Variants in FXR2 observed in about 807,000 individuals in gnomAD.
The protein encoded by FXR2 is FMR1 autosomal homolog 2.
In FXR2, 9 loss-of-function variants were observed where a neutral mutation model predicts 87.3. The ratio of observed to expected loss-of-function variants is 0.10; its 90% CI spans 0.06 to 0.18. FXR2 has a LOEUF of 0.18. FXR2 is among the 10% of genes least tolerant of loss of function. The probability of loss-of-function intolerance (pLI) is 1.00; values close to 1 mark genes in which losing one functional copy is unlikely to be tolerated. For synonymous variants in FXR2, 331 were observed against 328.3 expected, an observed-to-expected ratio of 1.01 and a Z score of -0.09; for missense variants, 661 against 893.6, an observed-to-expected ratio of 0.74 and a Z score of 3.32.
rs899107514 is a variant in FXR2 at position 7,592,224 on chromosome 17, G to A, written c.1926+30C>T. The A allele has an allele frequency of 4.5e-6, 7 of 1,557,114 alleles. No individual in the cohort carries two copies. Among genetic ancestry groups the A allele is most frequent in the Non-Finnish European group, 6.2e-6 (7 of 1,132,386 alleles). On this transcript the variant is annotated intron_variant, in intron 16 of 16. Transcript: ENST00000250113. This position sits in a 1 kb window ranked among gnomAD's most constrained non-coding sequence, Gnocchi z 4.8. Reference sequence around the variant, plus strand: ...TGCCCCAGAGTAACAACAAAAAAGGGATGGGGTAAAGCACATCTTGCCTGC... The same window carrying A: ...TGCCCCAGAGTAACAACAAAAAAGGAATGGGGTAAAGCACATCTTGCCTGC...
At chr17:7,597,414 G>A (rs2071715901) in intron 7 of FXR2, among the ~76,000 whole-genome samples, 1 of 151,360 alleles carries the variant, frequency 6.6e-6, no homozygotes, top group Non-Finnish European at 1.5e-5. Context: ...TACATTAGGA[G>A]GGGAGGGGAA....
intron 1 of FXR2, among the ~76,000 whole-genome samples, chr17:7,611,852 A>G (rs867793583): frequency 3.3e-5 from 5 of 152,326 alleles, no homozygotes; most frequent in Middle Eastern, 3.4e-3. Context: ...AAGTATCTGT[A>G]GGGTACTGAG....
chr17:7,594,110 C>A lies in FXR2; in HGVS notation c.1021-106G>T. 1 of 909,926 alleles carries A rather than the reference C, an allele frequency of 1.1e-6. No homozygotes were observed. The highest frequency in any genetic ancestry group is 1.8e-6 in the Non-Finnish European group (1 of 550,478). The allele number at this position is 909,926 out of a possible 1,614,324, so 56.4% of individuals were successfully genotyped here. ...GCCTGCCCAGTGGGATCATTCTGGG[C>A]TCTAAATCTACTAGTGTTAAACAAC... On this transcript the variant is annotated intron_variant, in intron 10 of 16. Coordinates refer to ENST00000250113, the MANE Select transcript of FXR2 (RefSeq NM_004860.4). This position sits in a 1 kb window ranked among gnomAD's most constrained non-coding sequence, Gnocchi z 5.1.
chr17:7,594,815 G>A lies in FXR2; in HGVS notation c.832-58C>T. ...AACAGAAGACCAGCTGGATGTGGTGGCTCACGCCTGTAATCCCAGCACTTT... is the reference window on the plus strand; with the variant it reads ...AACAGAAGACCAGCTGGATGTGGTGACTCACGCCTGTAATCCCAGCACTTT... On this transcript the variant is annotated intron_variant, in intron 8 of 16. Coordinates refer to ENST00000250113, the MANE Select transcript of FXR2 (RefSeq NM_004860.4). The surrounding 1 kb of genome is among the most constrained non-coding windows in gnomAD (Gnocchi z 5.1). 1.9e-6 allele frequency: 2 copies of A among 1,031,798 alleles called. No individual in the cohort carries two copies. The highest frequency in any genetic ancestry group is 3.1e-6 in the Non-Finnish European group (2 of 649,808). The allele number at this position is 1,031,798 out of a possible 1,614,324, so 63.9% of individuals were successfully genotyped here. A position where few individuals can be genotyped will look rare whatever the true frequency, so the allele number is the denominator to read the frequency against.
chr17:7,592,942 C>A lies in FXR2; in HGVS notation c.1528+42G>T. Reference sequence around the variant, plus strand: ...GAGTTGGCAGTCAGGTGCCCATCATCTTTCCTTTTGGCCCATATTCATGAA... The same window carrying A: ...GAGTTGGCAGTCAGGTGCCCATCATATTTCCTTTTGGCCCATATTCATGAA... On this transcript the variant is annotated intron_variant, in intron 13 of 16. Coordinates refer to ENST00000250113, the MANE Select transcript of FXR2 (RefSeq NM_004860.4). The surrounding 1 kb of genome is among the most constrained non-coding windows in gnomAD (Gnocchi z 4.8). The A allele has an allele frequency of 6.5e-7, 1 of 1,547,026 alleles. No homozygotes were observed. Among genetic ancestry groups the A allele is most frequent in the Non-Finnish European group, 8.7e-7 (1 of 1,146,792 alleles).
chr17:7,603,922 AAGG>A lies in FXR2; in HGVS notation c.301-20_301-18del, dbSNP rs1184495842. The A allele has an allele frequency of 6.2e-7, 1 of 1,613,768 alleles. No homozygotes were observed. ...GACATAGAACTGGCACATGGTAAAA[AAGG>A]AGAAGTTGTGGATGACCTGAGCAAC... is the stretch of plus-strand genomic sequence containing the variant. On this transcript the variant is annotated intron_variant, in intron 4 of 16. Transcript: ENST00000250113.
intron 5 of FXR2, among the ~76,000 whole-genome samples, chr17:7,603,241 G>C (rs1466578229): frequency 6.6e-6 from 1 of 151,576 alleles, no homozygotes; most frequent in Non-Finnish European, 1.5e-5. Context: ...AAAGAAAAGG[G>C]ACTGGGCCGG....
intron 7 of FXR2, 21 bp downstream of exon 7, chr17:7,601,388 G>C: frequency 2.3e-6 from 3 of 1,283,186 alleles, no homozygotes; most frequent in Non-Finnish European, 3.4e-6. Flanking sequence ...TTCAGCAGAA[G>C]GAAAAGGAGC....
chr17:7,591,931 G>A lies in FXR2; in HGVS notation c.1927-6C>T. ...AGCTTGCTGACAGAGTCACCCTGAGGGGAAAGTGGGAAAGAAAACAGAAAA... is the reference window on the plus strand; with the variant it reads ...AGCTTGCTGACAGAGTCACCCTGAGAGGAAAGTGGGAAAGAAAACAGAAAA... On this transcript the variant is annotated splice_polypyrimidine_tract_variant and splice_region_variant and intron_variant, in intron 16 of 16. Coordinates refer to ENST00000250113, the MANE Select transcript of FXR2 (RefSeq NM_004860.4). The surrounding 1 kb of genome is among the most constrained non-coding windows in gnomAD (Gnocchi z 4.0). 1 of 1,504,156 alleles carries A rather than the reference G, an allele frequency of 6.6e-7. No individual in the cohort carries two copies. The highest frequency in any genetic ancestry group is 9.2e-7 in the Non-Finnish European group (1 of 1,084,038). The allele number at this position is 1,504,156 out of a possible 1,614,324, so 93.2% of individuals were successfully genotyped here.
At chr17:7,614,406 G>C (rs115150806) in intron 1 of FXR2, 46 bp downstream of exon 1, 1 of 1,375,942 alleles carries the variant, frequency 7.3e-7, no homozygotes, top group Non-Finnish European at 1.0e-6. Context: ...CTCCGGCCAG[G>C]GGAGGGGGCT....
At chr17:7,614,285 G>A (rs1001096819) in intron 1 of FXR2, among the ~76,000 whole-genome samples, 167 bp downstream of exon 1, 1 of 152,110 alleles carries the variant, frequency 6.6e-6, no homozygotes, top group African/African-American at 2.4e-5. Flanking sequence ...AAGAGGAACA[G>A]GGTTCACTCT....
chr17:7,601,461 C>T lies in FXR2; in HGVS notation c.608G>A (p.Arg203His). 1 of 1,613,282 alleles carries T rather than the reference C, an allele frequency of 6.2e-7. No homozygotes were observed. The highest frequency in any genetic ancestry group is 8.5e-7 in the Non-Finnish European group (1 of 1,179,476). ...GCGGGACATAAGTAGCAGTTTGGTG[C>T]GCAGGCTTCGGAAATGCATATCACC... Reference protein sequence around the residue: ...LLGDMHFRSLRTKLLLMSRNE... With the variant: ...LLGDMHFRSLHTKLLLMSRNE... The change falls in exon 7 of 17, where the codon CGC becomes CAC. Residue 203 changes from arginine to histidine, a missense_variant. Coordinates refer to ENST00000250113, the MANE Select transcript of FXR2 (RefSeq NM_004860.4).
At position 7,592,444 on chromosome 17, in the gene FXR2, G is replaced by C. The variant is rs900368876; in HGVS notation, c.1825+60C>G. 2.6e-6 allele frequency: 4 copies of C among 1,561,654 alleles called. No individual in the cohort carries two copies. The African/African-American group carries it at 5.4e-5, about 21-fold the overall frequency. On this transcript the variant is annotated intron_variant, in intron 15 of 16. Coordinates refer to ENST00000250113, the MANE Select transcript of FXR2 (RefSeq NM_004860.4). The surrounding 1 kb of genome is among the most constrained non-coding windows in gnomAD (Gnocchi z 4.8). The stretch of plus-strand genomic sequence containing the variant: ...GAACCCGAACCCCTGATTTTCACAG[G>C]GGTGAGCATCCCATTCTCTCAGCTC...
chr17:7,592,064 C>T lies in FXR2; in HGVS notation c.1927-139G>A, dbSNP rs1378049754. ...GTTCCCTGATCTCATGATCCAGTCT[C>T]TCTTACTTGGGATCCAGAAAATGTG... On this transcript the variant is annotated intron_variant, in intron 16 of 16. Transcript: ENST00000250113. This position sits in a 1 kb window ranked among gnomAD's most constrained non-coding sequence, Gnocchi z 4.8. 1.4e-6 allele frequency: 2 copies of T among 1,418,838 alleles called. No individual in the cohort carries two copies. The highest frequency in any genetic ancestry group is 1.8e-4 in the Middle Eastern group (1 of 5,428). The allele number at this position is 1,418,838 out of a possible 1,614,324, so 87.9% of individuals were successfully genotyped here. A position where few individuals can be genotyped will look rare whatever the true frequency, so the allele number is the denominator to read the frequency against.
intron 5 of FXR2, among the ~76,000 whole-genome samples, chr17:7,603,523 GT>G (rs1215739961): frequency 6.9e-5 from 8 of 115,406 alleles, no homozygotes; most frequent in Non-Finnish European, 1.3e-4. Context: ...GCAAAACTCT[GT>G]CTCCAAAAAA....
In FXR2 at chr17:7,594,259, G is replaced by A. The variant is rs2150940696; in HGVS notation, c.999C>T (p.Asp333=). Residue 333 remains aspartate, a synonymous_variant, in exon 10 of 17, where the codon GAC becomes GAT. Coordinates refer to ENST00000250113, the MANE Select transcript of FXR2 (RefSeq NM_004860.4). The surrounding 1 kb of genome is among the most constrained non-coding windows in gnomAD (Gnocchi z 5.1). ...ATACCTCCTCCCTGGGGTTCTTCTTGTCATTATCACCTTCCACTCGAACCC... is the reference window on the plus strand; with the variant it reads ...ATACCTCCTCCCTGGGGTTCTTCTTATCATTATCACCTTCCACTCGAACCC... ...VVRVRVEGDN[D]KKNPREEGMV... The A allele has an allele frequency of 6.2e-7, 1 of 1,605,380 alleles. No individual in the cohort carries two copies. Among genetic ancestry groups the A allele is most frequent in the Non-Finnish European group, 8.5e-7 (1 of 1,172,140 alleles).
chr17:7,603,833 C>T lies in FXR2; in HGVS notation c.373G>A (p.Val125Ile). Residue 125 changes from valine to isoleucine, a missense_variant, in exon 5 of 17, where the codon GTT (valine) becomes ATT (isoleucine). Around this residue, in one of 3 missense-constraint regions of FXR2, gnomAD observed 170 missense variants for 247.2 expected, o/e 0.69. Coordinates refer to ENST00000250113, the MANE Select transcript of FXR2 (RefSeq NM_004860.4). Reference protein sequence around the residue: ...EIVTLERLRPVNPNPLATKGS... With the variant: ...EIVTLERLRPINPNPLATKGS... ...TTGGTTGCAAGGGGATTGGGATTAA[C>T]TGGCCGAAGTCGCTCCAGGGTAACA... 1 of 1,613,984 alleles carries T rather than the reference C, an allele frequency of 6.2e-7. No homozygotes were observed. The highest frequency in any genetic ancestry group is 8.5e-7 in the Non-Finnish European group (1 of 1,179,888).
intron 7 of FXR2, among the ~76,000 whole-genome samples, chr17:7,599,028 C>A (rs1246224290): frequency 6.6e-6 from 1 of 151,850 alleles, no homozygotes; most frequent in African/African-American, 2.4e-5. Flanking sequence ...TCCCAGCTAC[C>A]TGGGAGGCCG....
At chr17:7,611,410 G>A (rs1304581924) in intron 1 of FXR2, among the ~76,000 whole-genome samples, 2 of 152,240 alleles carry the variant, frequency 1.3e-5, no homozygotes, top group African/African-American at 2.4e-5. Context: ...GCTCACGCCT[G>A]TAATCCCAGC....
Sources: allele counts gnomAD v4.1 joint callset (sites outside exome capture counted in the v4.1 genomes callset), GRCh38; gene constraint gnomAD v4.1.1; regional missense constraint gnomAD v4.1.1; non-coding constraint Gnocchi (gnomAD v3.1); transcripts MANE v1.5; gene names NCBI Gene and HGNC (gene_info 2026-07-23, HGNC 2026-07-21).